PPME1: variants seen among roughly 807,000 people sequenced by gnomAD.
The protein encoded by PPME1 is protein phosphatase methylesterase 1, also known as testicular secretory protein Li 39.
PPME1 carries 17 observed loss-of-function variants against 56.9 expected under a neutral mutation model. The ratio of observed to expected loss-of-function variants is 0.30; its 90% confidence interval spans 0.20 to 0.45. PPME1 has a LOEUF of 0.45. Among genes scored for constraint, PPME1 ranks in the 20% least tolerant of loss-of-function variants. The pLI is 1.00. For missense variants in PPME1, 357 were observed against 483.2 expected (o/e 0.74, Z 2.45); for synonymous variants, 122 against 156.2 (o/e 0.78, Z 1.63).
At chr11:74,189,303 T>C (rs1857772561) in intron 1 of PPME1, among the ~76,000 whole-genome samples, 1 of 152,192 alleles carries the variant, frequency 6.6e-6, no homozygotes, top group Non-Finnish European at 1.5e-5. Flanking sequence ...ATTTATTTAT[T>C]TATTGAGACA....
intron 1 of PPME1, among the ~76,000 whole-genome samples, chr11:74,180,850 C>A (rs1038889390): frequency 6.6e-6 from 1 of 152,104 alleles, no homozygotes; most frequent in African/African-American, 2.4e-5. Flanking sequence ...TCTCTAAGAG[C>A]GAAGACTATT....
intron 12 of PPME1, chr11:74,251,286 C>A (rs1859653044): frequency 1.5e-6 from 2 of 1,360,808 alleles, no homozygotes; most frequent in Admixed American, 3.1e-5. Flanking sequence ...CTCCAATACC[C>A]CCAAAAGCCA....
At chr11:74,242,887 A>AGG (rs1429548148) in intron 9 of PPME1, among the ~76,000 whole-genome samples, 2 of 151,122 alleles carry the variant, frequency 1.3e-5, no homozygotes, top group African/African-American at 4.9e-5. Context: ...TCAAAAAAAA[A>AGG]AAAAAAAAAA....
intron 7 of PPME1, among the ~76,000 whole-genome samples, chr11:74,231,470 G>C (rs1369773288): frequency 6.6e-6 from 1 of 152,210 alleles, no homozygotes; most frequent in Non-Finnish European, 1.5e-5. Flanking sequence ...CCAAGTTCAA[G>C]GAATAGAATT....
intron 1 of PPME1, among the ~76,000 whole-genome samples, chr11:74,184,402 C>A (rs1165161239): frequency 6.6e-6 from 1 of 152,132 alleles, no homozygotes; most frequent in African/African-American, 2.4e-5. Context: ...TTTTATAACA[C>A]TGTTGGGAGA....
chr11:74,222,741 A>G (rs1041189490), intron 4 of PPME1: 14 of 244,428 alleles, frequency 5.7e-5, no homozygotes, highest in African/African-American at 1.8e-4. Context: ...CATCCACCTC[A>G]GCCTCCCAGA....
At chr11:74,248,199 C>A (rs929081995) in intron 11 of PPME1, 2 of 152,316 alleles carry the variant, frequency 1.3e-5, no homozygotes, top group South Asian at 4.1e-4. Context: ...AGGCATACAA[C>A]TTTTGGGTTA....
intron 1 of PPME1, among the ~76,000 whole-genome samples, chr11:74,176,104 T>C (rs1400860878): frequency 1.3e-5 from 2 of 152,210 alleles, no homozygotes; most frequent in Non-Finnish European, 1.5e-5. Flanking sequence ...AAAGCACTTA[T>C]AGTTCCTGAC....
chr11:74,206,610 C>T (rs572016253), intron 3 of PPME1, among the ~76,000 whole-genome samples: 1 of 152,280 alleles, frequency 6.6e-6, no homozygotes, highest in East Asian at 1.9e-4. Flanking sequence ...GTCTATCACC[C>T]AGATTAGTGT....
chr11:74,203,683 T>C, intron 1 of PPME1, 45 bp from the exon 2 acceptor site: 2 of 1,459,498 alleles, frequency 1.4e-6, no homozygotes. Context: ...TTTTATCTCT[T>C]TATGCATAAT....
Position 74,251,085 on chromosome 11 carries a change from A to C in PPME1, c.1074+67A>C, listed in dbSNP as rs1034590881. 14 of 1,545,684 alleles carry C rather than the reference A, an allele frequency of 9.1e-6. No individual in the cohort carries two copies. In the East Asian group the frequency reaches 3.4e-4, roughly 38 times the overall value. On this transcript the variant is annotated intron_variant, in intron 12 of 13. Transcript: ENST00000328257. ...AATAACCCTGGATGTCACAGAAGACAAGTCTCTGAGTCTCAGCCTGCATTG... is the reference window on the plus strand; with the variant it reads ...AATAACCCTGGATGTCACAGAAGACCAGTCTCTGAGTCTCAGCCTGCATTG...
intron 7 of PPME1, among the ~76,000 whole-genome samples, chr11:74,233,720 G>T (rs1352010087): frequency 6.6e-6 from 1 of 152,190 alleles, no homozygotes; most frequent in African/African-American, 2.4e-5. Flanking sequence ...TACTCAGGAG[G>T]CTGAGGTGGG....
chr11:74,250,829 T>C, intron 11 of PPME1, 125 bp from the exon 12 acceptor site: 1 of 734,480 alleles, frequency 1.4e-6, no homozygotes, highest in Non-Finnish European at 2.4e-6. Context: ...GATAATTGGG[T>C]CCAGAGTATT....
chr11:74,179,531 A>C (rs1486681960), intron 1 of PPME1, among the ~76,000 whole-genome samples: 1 of 152,118 alleles, frequency 6.6e-6, no homozygotes, highest in Non-Finnish European at 1.5e-5. Flanking sequence ...GTCAAATCCA[A>C]GCTCCGGTGC....
intron 13 of PPME1, chr11:74,251,974 A>C (rs189583712): frequency 1.3e-5 from 9 of 674,000 alleles, no homozygotes; most frequent in Admixed American, 1.1e-4. Flanking sequence ...TGTGATGTGC[A>C]TTTCTTCTTG....
intron 7 of PPME1, among the ~76,000 whole-genome samples, chr11:74,233,895 C>G (rs1178158120): frequency 1.3e-5 from 2 of 152,114 alleles, no homozygotes; most frequent in Non-Finnish European, 2.9e-5. Context: ...CTTGGTTACA[C>G]CACTCTGGCT....
chr11:74,251,284 C>A, intron 12 of PPME1: 4 of 1,360,602 alleles, frequency 2.9e-6, no homozygotes, highest in South Asian at 3.9e-5. Flanking sequence ...TTCTCCAATA[C>A]CCCCAAAAGC....
At chr11:74,203,597 A>G (rs1858232781) in intron 1 of PPME1, 131 bp from the exon 2 acceptor site, 5 of 528,006 alleles carry the variant, frequency 9.5e-6, no homozygotes, top group African/African-American at 7.7e-5. Context: ...CTTTGTGATG[A>G]ACTCTTTATA....
intron 1 of PPME1, among the ~76,000 whole-genome samples, chr11:74,187,240 C>T (rs1857708571): frequency 1.3e-5 from 2 of 152,004 alleles, no homozygotes; most frequent in South Asian, 4.1e-4. Context: ...CTTGAATTTC[C>T]ATATGAATTT....
Sources: allele counts gnomAD v4.1 joint callset (sites outside exome capture counted in the v4.1 genomes callset), GRCh38; gene constraint gnomAD v4.1.1; transcripts MANE v1.5; gene names NCBI Gene and HGNC (gene_info 2026-07-23, HGNC 2026-07-21).